Variants in FARP1 observed in about 807,000 individuals in gnomAD.
The protein encoded by FARP1 is FERM, ARH/RhoGEF and pleckstrin domain protein 1, also known as FERM, ARHGEF and pleckstrin domain-containing protein 1.
FARP1 carries 52 observed loss-of-function variants against 128.8 expected under a neutral mutation model. The ratio of observed to expected loss-of-function variants is 0.40; its 90% CI spans 0.32 to 0.51. The LOEUF (loss-of-function observed/expected upper bound fraction) is 0.51, where lower values mean the gene tolerates loss of function less well. Ranked by LOEUF, FARP1 falls within the 20% of genes least tolerant of loss-of-function variation. FARP1 has a pLI of 0.45. For synonymous variants in FARP1, 580 were observed against 551.8 expected (o/e 1.05, Z -0.72); for missense variants, 1,333 against 1,367.9 (o/e 0.97, Z 0.40).
intron 3 of FARP1, among the ~76,000 whole-genome samples, chr13:98,364,282 G>T (rs1347541468): frequency 6.6e-6 from 1 of 152,176 alleles, no homozygotes; most frequent in East Asian, 1.9e-4. Flanking sequence ...TATCAGTAGA[G>T]TAAGATGGTG....
At chr13:98,211,135 G>A (rs190702080) in intron 1 of FARP1, among the ~76,000 whole-genome samples, 231 of 152,278 alleles carry the variant, frequency 1.5e-3, no homozygotes, top group Middle Eastern at 3.4e-3. Flanking sequence ...TGCCTGCAGG[G>A]TAAAGACCAT....
chr13:98,211,722 T>G (rs976873155), intron 1 of FARP1, among the ~76,000 whole-genome samples: 1 of 152,204 alleles, frequency 6.6e-6, no homozygotes, highest in Non-Finnish European at 1.5e-5. Flanking sequence ...TCTCACCTTC[T>G]CCATGATGGA....
chr13:98,259,938 G>T (rs1288909523), intron 2 of FARP1, among the ~76,000 whole-genome samples: 1 of 127,688 alleles, frequency 7.8e-6, no homozygotes, highest in Non-Finnish European at 1.8e-5. Context: ...AGACCTTGGG[G>T]CAGTTACCCT....
At chr13:98,362,528 C>T (rs1488780654) in intron 3 of FARP1, among the ~76,000 whole-genome samples, 1 of 152,194 alleles carries the variant, frequency 6.6e-6, no homozygotes, top group East Asian at 1.9e-4. Context: ...CTTTACTTCA[C>T]GCCTCCTCTG....
At chr13:98,295,344 G>A (rs544036266) in intron 2 of FARP1, among the ~76,000 whole-genome samples, 2 of 152,224 alleles carry the variant, frequency 1.3e-5, no homozygotes, top group East Asian at 3.9e-4. Flanking sequence ...GCAATGCCAC[G>A]AGACTCGCGT....
intron 2 of FARP1, among the ~76,000 whole-genome samples, chr13:98,229,189 C>T (rs1881969364): frequency 6.6e-6 from 1 of 152,176 alleles, no homozygotes; most frequent in Non-Finnish European, 1.5e-5. Flanking sequence ...TCTATTTACC[C>T]TTCTACCCAC....
At chr13:98,191,868 A>G (rs556123885) in intron 1 of FARP1, among the ~76,000 whole-genome samples, 1 of 152,324 alleles carries the variant, frequency 6.6e-6, no homozygotes, top group Non-Finnish European at 1.5e-5. Flanking sequence ...ACTTGAACCC[A>G]GGAGGCAGAG....
chr13:98,370,538 A>T (rs1488217188), intron 5 of FARP1, among the ~76,000 whole-genome samples: 1 of 109,592 alleles, frequency 9.1e-6, no homozygotes, highest in Non-Finnish European at 1.8e-5. Flanking sequence ...ACTTTGAGGG[A>T]GGGAGAGGGG....
intron 1 of FARP1, chr13:98,177,206 C>T (rs1464697860): frequency 6.4e-7 from 1 of 1,571,610 alleles, no homozygotes; most frequent in South Asian, 1.2e-5. Context: ...GCTTGGTCGG[C>T]CGTCCTTCCT....
rs747141547 is a variant in FARP1, at chr13:98,450,853, T to C, written c.*2536T>C. The C allele has an allele frequency of 6.6e-5, 10 of 152,346 alleles. No individual in the cohort carries two copies. Among genetic ancestry groups the C allele is most frequent in the East Asian group, 3.9e-4 (2 of 5,186 alleles). The allele number at this position is 152,346 out of a possible 1,614,324, so 9.4% of individuals were successfully genotyped here. On this transcript the variant is annotated 3_prime_UTR_variant, in exon 27 of 27. Transcript: ENST00000319562. Reference sequence around the variant, plus strand: ...CTTGGCTAAGATGCCCTTAAAAACATTGGGGCTGATTTTGTGCGTCTACAG... The same window carrying C: ...CTTGGCTAAGATGCCCTTAAAAACACTGGGGCTGATTTTGTGCGTCTACAG...
intron 1 of FARP1, among the ~76,000 whole-genome samples, chr13:98,143,895 CTGAGGCCGGTTGCGGGCCG>C (rs1311961661): frequency 6.6e-6 from 1 of 151,828 alleles, no homozygotes; most frequent in African/African-American, 2.4e-5. Context: ...ATCTCGGCCC[CTGAGGCCGGTTGCGGGCCG>C]GGGAGGTGGC....
chr13:98,410,890 G>A (rs909796677), intron 15 of FARP1, 67 bp downstream of exon 15: 7 of 774,496 alleles, frequency 9.0e-6, no homozygotes, highest in South Asian at 1.7e-5. Context: ...TCAGCTATAC[G>A]GGGAGGCTGG....
At chr13:98,395,104 G>C (rs1890467609) in intron 12 of FARP1, 123 bp from the exon 13 acceptor site, 2 of 1,163,718 alleles carry the variant, frequency 1.7e-6, no homozygotes, top group Non-Finnish European at 2.4e-6. Context: ...AGAGCTCCGG[G>C]GCAGTTCTCC....
chr13:98,368,362 T>TG (rs1889187830), intron 5 of FARP1, among the ~76,000 whole-genome samples, 167 bp downstream of exon 5: 1 of 152,194 alleles, frequency 6.6e-6, no homozygotes, highest in South Asian at 2.1e-4. Context: ...CTTACAAAAA[T>TG]GGGGGGAGAA....
rs116650511 is a variant in FARP1 at position 98,176,839 on chromosome 13, C to T, written c.-24+33347C>T. 7.4e-5 allele frequency: 120 copies of T among 1,611,944 alleles called. No individual in the cohort carries two copies. The African/African-American group carries it at 1.4e-3, about 19-fold the overall frequency. On this transcript the variant is annotated intron_variant, in intron 1 of 26. Coordinates refer to ENST00000319562, the MANE Select transcript of FARP1 (RefSeq NM_005766.4). The surrounding 1 kb of genome is among the most constrained non-coding windows in gnomAD (Gnocchi z 6.2). ...CCGACCCCGCAGTGCCTCCTGGACC[C>T]GCTGGCTGCACTTGAGGATGGTCGG...
intron 2 of FARP1, among the ~76,000 whole-genome samples, chr13:98,313,242 TACACACACAC>T (rs71111943): frequency 2.7e-4 from 33 of 120,022 alleles, no homozygotes; most frequent in Middle Eastern, 9.2e-3. Context: ...TGGGTCATAA[TACACACACAC>T]ACACACACAC....
chr13:98,213,509 C>A, intron 2 of FARP1, 96 bp downstream of exon 2: 1 of 1,295,544 alleles, frequency 7.7e-7, no homozygotes, highest in Non-Finnish European at 1.1e-6. Flanking sequence ...TGACATGAGG[C>A]GGCTGGAGGT....
At chr13:98,338,960 A>T (rs1887850355) in intron 2 of FARP1, 1 of 152,150 alleles carries the variant, frequency 6.6e-6, no homozygotes, top group African/African-American at 2.4e-5. Context: ...GCAGGCTTTA[A>T]CCTGGTGTGC....
intron 1 of FARP1, among the ~76,000 whole-genome samples, chr13:98,181,821 C>G (rs1878550021): frequency 6.6e-6 from 1 of 151,830 alleles, no homozygotes; most frequent in African/African-American, 2.4e-5. Flanking sequence ...TTTTTGAGCC[C>G]TGTCTAGAAC....
Sources: allele counts gnomAD v4.1 joint callset (sites outside exome capture counted in the v4.1 genomes callset), GRCh38; gene constraint gnomAD v4.1.1; non-coding constraint Gnocchi (gnomAD v3.1); transcripts MANE v1.5; gene names NCBI Gene and HGNC (gene_info 2026-07-23, HGNC 2026-07-21).